Variants in CACNB2 observed in about 807,000 individuals in gnomAD.
CACNB2 encodes calcium voltage-gated channel auxiliary subunit beta 2.
CACNB2 carries 42 observed loss-of-function variants against 73.3 expected under a neutral mutation model. That is an observed-to-expected ratio of 0.57 (90% CI 0.45 to 0.74). The LOEUF (loss-of-function observed/expected upper bound fraction) is 0.74. CACNB2 is among the 30% of genes least tolerant of loss of function. CACNB2 has a pLI of 0.00. For missense variants in CACNB2, 940 were observed against 853.0 expected (o/e 1.10, Z -1.27); for synonymous variants, 348 against 310.3 (o/e 1.12, Z -1.28).
chr10:18,235,915 T>C (rs184806498), intron 2 of CACNB2, among the ~76,000 whole-genome samples: 66 of 152,252 alleles, frequency 4.3e-4, no homozygotes, highest in African/African-American at 1.4e-3. Context: ...GTTCTCATGA[T>C]AGTGAGTGAG....
At chr10:18,219,088 C>A (rs1323668547) in intron 2 of CACNB2, among the ~76,000 whole-genome samples, 1 of 152,138 alleles carries the variant, frequency 6.6e-6, no homozygotes, top group Non-Finnish European at 1.5e-5. Flanking sequence ...TTGCTTGAGC[C>A]TGGGAGGTCG....
intron 3 of CACNB2, among the ~76,000 whole-genome samples, chr10:18,429,182 T>G (rs1238969429): frequency 6.6e-6 from 1 of 152,226 alleles, no homozygotes; most frequent in Non-Finnish European, 1.5e-5. Context: ...GATTGTAGGT[T>G]TATACTTTTT....
chr10:18,401,357 T>C (rs981764686), intron 2 of CACNB2, among the ~76,000 whole-genome samples: 1 of 152,228 alleles, frequency 6.6e-6, no homozygotes, highest in East Asian at 1.9e-4. Context: ...TTTTAAAATG[T>C]GTTGCTGGAA....
chr10:18,543,152 T>C lies in CACNB2; in HGVS notation c.*3428T>C, dbSNP rs1050034761. Reference sequence around the variant, plus strand: ...AGCTGGCTTCTGCACTGTTTATTAGTAGTAGTATTAATTGCCATGTTAGAA... The same window carrying C: ...AGCTGGCTTCTGCACTGTTTATTAGCAGTAGTATTAATTGCCATGTTAGAA... On this transcript the variant is annotated 3_prime_UTR_variant, in exon 14 of 14. Transcript: ENST00000324631. 18 of 152,208 alleles carry C rather than the reference T, an allele frequency of 1.2e-4. No individual in the cohort carries two copies. The highest frequency in any genetic ancestry group is 6.5e-5 in the Admixed American group (1 of 15,280). The allele number at this position is 152,208 out of a possible 1,614,324, so 9.4% of individuals were successfully genotyped here. A position where few individuals can be genotyped will look rare whatever the true frequency, so the allele number is the denominator to read the frequency against.
At chr10:18,328,153 A>G (rs1045003861) in intron 2 of CACNB2, among the ~76,000 whole-genome samples, 2 of 152,202 alleles carry the variant, frequency 1.3e-5, no homozygotes, top group African/African-American at 2.4e-5. Flanking sequence ...CCAGAATTCA[A>G]GGGTCAAGAC....
At chr10:18,386,094 A>T (rs1411782323) in intron 2 of CACNB2, among the ~76,000 whole-genome samples, 1 of 152,222 alleles carries the variant, frequency 6.6e-6, no homozygotes, top group Non-Finnish European at 1.5e-5. Context: ...CTAACAGTGC[A>T]TTCGCTTTGC....
At chr10:18,513,989 A>G (rs2051027161) in intron 6 of CACNB2, among the ~76,000 whole-genome samples, 1 of 152,226 alleles carries the variant, frequency 6.6e-6, no homozygotes, top group African/African-American at 2.4e-5. Flanking sequence ...GAAAATATTC[A>G]AGACGTCTAG....
intron 2 of CACNB2, among the ~76,000 whole-genome samples, chr10:18,370,340 C>G (rs1049475040): frequency 4.6e-5 from 7 of 152,104 alleles, no homozygotes; most frequent in Non-Finnish European, 8.8e-5. Flanking sequence ...GTCACCCAGG[C>G]TAGAGTACAG....
intron 3 of CACNB2, among the ~76,000 whole-genome samples, chr10:18,467,976 T>C (rs544339180): frequency 6.6e-6 from 1 of 152,332 alleles, no homozygotes; most frequent in Admixed American, 6.5e-5. Flanking sequence ...AAAGTGTTTT[T>C]TTGTGAATTA....
chr10:18,165,279 G>T (rs1390704532), intron 2 of CACNB2, among the ~76,000 whole-genome samples: 12 of 152,216 alleles, frequency 7.9e-5, no homozygotes, highest in Non-Finnish European at 1.8e-4. Flanking sequence ...AGAGAGGAGG[G>T]ATGGAAAGCG....
intron 3 of CACNB2, among the ~76,000 whole-genome samples, chr10:18,412,379 G>A (rs1589276652): frequency 6.6e-6 from 1 of 152,100 alleles, no homozygotes; most frequent in East Asian, 1.9e-4. Context: ...CATGCCTTGT[G>A]AAATAAACAA....
chr10:18,536,260 TTTTTTTTTTTTTTG>T, intron 12 of CACNB2, 64 bp downstream of exon 12: 1 of 657,836 alleles, frequency 1.5e-6, no homozygotes, highest in Non-Finnish European at 2.3e-6. Context: ...TTTTTTTTTT[TTTTTTTTTTTTTTG>T]GGGGACAAGG....
At chr10:18,500,190 T>C (rs1589561108) in intron 4 of CACNB2, among the ~76,000 whole-genome samples, 1 of 152,162 alleles carries the variant, frequency 6.6e-6, no homozygotes, top group Admixed American at 6.5e-5. Context: ...AAAAACAGAA[T>C]GTATATTCTT....
intron 2 of CACNB2, among the ~76,000 whole-genome samples, chr10:18,299,688 G>A (rs2039429577): frequency 6.6e-6 from 1 of 152,100 alleles, no homozygotes; most frequent in African/African-American, 2.4e-5. Flanking sequence ...TCCAGACTGG[G>A]TGACAGAGTC....
intron 7 of CACNB2, among the ~76,000 whole-genome samples, chr10:18,516,224 AAG>A (rs2051268454): frequency 7.0e-6 from 1 of 143,776 alleles, no homozygotes; most frequent in Non-Finnish European, 1.5e-5. Context: ...TCTCAAAAAA[AAG>A]AAAAAAAAAA....
At chr10:18,301,254 C>G (rs1302954164) in intron 2 of CACNB2, among the ~76,000 whole-genome samples, 1 of 152,154 alleles carries the variant, frequency 6.6e-6, no homozygotes, top group Admixed American at 6.5e-5. Flanking sequence ...TGACTTTGCG[C>G]TCTCTGATAG....
chr10:18,456,515 G>T (rs1159538078), intron 3 of CACNB2, among the ~76,000 whole-genome samples: 1 of 152,114 alleles, frequency 6.6e-6, no homozygotes, highest in Non-Finnish European at 1.5e-5. Context: ...CACGAGAACA[G>T]CGCCAAGATA....
chr10:18,494,765 A>C (rs1564616002), intron 3 of CACNB2, among the ~76,000 whole-genome samples: 1 of 151,924 alleles, frequency 6.6e-6, no homozygotes, highest in Non-Finnish European at 1.5e-5. Context: ...TGGATCTACT[A>C]ATGGAAATTG....
At chr10:18,208,535 C>G (rs2035188706) in intron 2 of CACNB2, among the ~76,000 whole-genome samples, 1 of 151,908 alleles carries the variant, frequency 6.6e-6, no homozygotes, top group Admixed American at 6.6e-5. Flanking sequence ...TTGCTTGAGC[C>G]CAGGAGTTGG....
Sources: allele counts gnomAD v4.1 joint callset (sites outside exome capture counted in the v4.1 genomes callset), GRCh38; gene constraint gnomAD v4.1.1; transcripts MANE v1.5; gene names NCBI Gene and HGNC (gene_info 2026-07-23, HGNC 2026-07-21).